RCOR1: variants seen among roughly 807,000 people sequenced by gnomAD.
RCOR1 encodes the protein REST corepressor.
A neutral mutation model predicts 64.0 loss-of-function variants in RCOR1; 12 were observed. The ratio of observed to expected loss-of-function variants is 0.19; its 90% CI spans 0.12 to 0.30. RCOR1 has a LOEUF of 0.30. RCOR1 is among the 10% of genes least tolerant of loss of function. The pLI, the probability that RCOR1 is intolerant of heterozygous loss-of-function variation, is 1.00. For synonymous variants in RCOR1, 279 were observed against 227.2 expected (o/e 1.23, Z -2.05); for missense variants, 502 against 621.2 (o/e 0.81, Z 2.04).
At chr14:102,615,128 GC>G (rs11382616) in intron 2 of RCOR1, among the ~76,000 whole-genome samples, 2 of 132,494 alleles carry the variant, frequency 1.5e-5, no homozygotes, top group Non-Finnish European at 3.1e-5. Context: ...ATAGTGCCCG[GC>G]CCCCCCGCCC....
chr14:102,635,165 T>C (rs1356055552), intron 2 of RCOR1, among the ~76,000 whole-genome samples: 29 of 152,248 alleles, frequency 1.9e-4, no homozygotes, highest in South Asian at 8.3e-4. Context: ...ATGCAAACTT[T>C]TAAATTCTTC....
intron 2 of RCOR1, among the ~76,000 whole-genome samples, chr14:102,616,080 G>A (rs970505177): frequency 1.3e-5 from 2 of 152,118 alleles, no homozygotes; most frequent in Non-Finnish European, 2.9e-5. Context: ...CTGTGGTTCT[G>A]ACCAGCCAGC....
intron 2 of RCOR1, among the ~76,000 whole-genome samples, chr14:102,627,914 GTA>G (rs1894014605): frequency 6.6e-6 from 1 of 151,300 alleles, no homozygotes; most frequent in East Asian, 1.9e-4. Context: ...ATATATATAT[GTA>G]TATAATATGT....
At chr14:102,675,496 C>T (rs1307823348) in intron 2 of RCOR1, among the ~76,000 whole-genome samples, 1 of 152,160 alleles carries the variant, frequency 6.6e-6, no homozygotes, top group Non-Finnish European at 1.5e-5. Flanking sequence ...GGGACTTGAA[C>T]ACAAATGCTG....
chr14:102,677,207 G>A (rs1018186192), intron 2 of RCOR1, among the ~76,000 whole-genome samples: 2 of 136,338 alleles, frequency 1.5e-5, no homozygotes, highest in Admixed American at 7.0e-5. Flanking sequence ...CCGGGCAGGG[G>A]GCTGACCCCC....
rs1165821518 is a variant in RCOR1 at position 102,677,376 on chromosome 14, C to T, written c.362-4519C>T. 3.8e-3 allele frequency among the ~76,000 whole-genome samples: 534 copies of T among 138,884 alleles called. 2 individuals are homozygous for T. The highest frequency in any genetic ancestry group is 0.014 in the African/African-American group (456 of 32,754). The allele number at this position is 138,884 out of a possible 152,430, so 91.1% of individuals were successfully genotyped here. ...CCTCCCTCCCGGACGGGGTGGCTGC[C>T]GGGCGGAGACGCTCCTCACTTCCCA... On this transcript the variant is annotated intron_variant, in intron 2 of 11. Transcript: ENST00000262241.
At chr14:102,707,287 G>T in intron 4 of RCOR1, 64 bp from the exon 5 acceptor site, 16 of 1,327,588 alleles carry the variant, frequency 1.2e-5, no homozygotes, top group Non-Finnish European at 1.4e-5. Flanking sequence ...TTCTTTTGCT[G>T]GTCTCATTTC....
intron 2 of RCOR1, 61 bp from the exon 3 acceptor site, chr14:102,681,834 A>T: frequency 8.3e-7 from 1 of 1,206,796 alleles, no homozygotes; most frequent in Non-Finnish European, 1.2e-6. Flanking sequence ...AGGTATTGTT[A>T]CTTATAGCTT....
intron 3 of RCOR1, among the ~76,000 whole-genome samples, chr14:102,684,676 A>G (rs1008713900): frequency 6.6e-6 from 1 of 152,190 alleles, no homozygotes; most frequent in African/African-American, 2.4e-5. Flanking sequence ...CTATTATTCC[A>G]TCACCCAGAG....
intron 2 of RCOR1, among the ~76,000 whole-genome samples, chr14:102,600,602 ACT>A (rs1893372183): frequency 9.2e-6 from 1 of 108,154 alleles, no homozygotes; most frequent in African/African-American, 3.7e-5. Context: ...ACGGAGTCTC[ACT>A]CTGTTCCCCA....
intron 2 of RCOR1, among the ~76,000 whole-genome samples, chr14:102,638,166 A>G (rs1894286082): frequency 1.3e-5 from 2 of 152,246 alleles, no homozygotes; most frequent in Admixed American, 1.3e-4. Context: ...GATAGCACAC[A>G]TAAAATAGTC....
intron 4 of RCOR1, 55 bp downstream of exon 4, chr14:102,701,385 ATAAT>A: frequency 6.0e-6 from 8 of 1,336,672 alleles, no homozygotes; most frequent in South Asian, 4.5e-5. Flanking sequence ...TTGTAACTAA[ATAAT>A]TATATTTTTT....
At chr14:102,640,823 C>T (rs188204617) in intron 2 of RCOR1, among the ~76,000 whole-genome samples, 541 of 152,138 alleles carry the variant, frequency 3.6e-3, no homozygotes, top group Non-Finnish European at 5.0e-3. Context: ...AGCTGGCTGT[C>T]GTAGTGTGCA....
chr14:102,607,640 T>G (rs1441275512), intron 2 of RCOR1, among the ~76,000 whole-genome samples: 2 of 151,962 alleles, frequency 1.3e-5, no homozygotes, highest in South Asian at 2.1e-4. Context: ...TCCCAGCACT[T>G]TGAGAGGCTG....
chr14:102,628,787 C>T (rs1040424811), intron 2 of RCOR1, among the ~76,000 whole-genome samples: 14 of 152,162 alleles, frequency 9.2e-5, no homozygotes, highest in African/African-American at 2.9e-4. Flanking sequence ...CTCCTGACCT[C>T]AAGTGATCCA....
At chr14:102,655,679 A>G in intron 2 of RCOR1, 1 of 227,480 alleles carries the variant, frequency 4.4e-6, no homozygotes, top group Non-Finnish European at 7.3e-6. Context: ...AAGGCTGAGC[A>G]TAGTGGCTCA....
intron 2 of RCOR1, among the ~76,000 whole-genome samples, chr14:102,632,605 C>T (rs1221674881): frequency 2.1e-5 from 3 of 146,262 alleles, no homozygotes; most frequent in Non-Finnish European, 4.5e-5. Context: ...ATTTTGACTG[C>T]ATGCTATCCT....
intron 7 of RCOR1, among the ~76,000 whole-genome samples, chr14:102,712,799 A>G (rs1895987448): frequency 6.6e-6 from 1 of 150,996 alleles, no homozygotes; most frequent in Non-Finnish European, 1.5e-5. Context: ...TTGTAGTTGT[A>G]GTTTTTATTA....
At chr14:102,689,673 T>C (rs1040110534) in intron 3 of RCOR1, among the ~76,000 whole-genome samples, 2 of 152,192 alleles carry the variant, frequency 1.3e-5, no homozygotes, top group African/African-American at 2.4e-5. Flanking sequence ...GAAAAACTGG[T>C]CCAGTGGTAA....
Sources: gnomAD v4.1 joint callset for allele counts (sites outside exome capture counted in the v4.1 genomes callset) on GRCh38, gnomAD v4.1.1 for gene constraint, MANE v1.5 for transcripts, NCBI Gene and HGNC (gene_info 2026-07-23, HGNC 2026-07-21) for gene names.